The following ADAM7 variants were observed in gnomAD, a reference collection of about 807,000 sequenced individuals.
The protein encoded by ADAM7 is disintegrin and metalloproteinase domain-containing protein 7.
ADAM7 carries 97 observed loss-of-function variants against 102.9 expected under a neutral mutation model. The observed-to-expected ratio is 0.94, with a 90% CI of 0.80 to 1.12. ADAM7 has a LOEUF of 1.12. Among genes scored for constraint, ADAM7 ranks in the 50% most tolerant of loss-of-function variants. The pLI, the probability that ADAM7 is intolerant of heterozygous loss-of-function variation, is 0.00. For synonymous variants in ADAM7, 334 were observed against 304.4 expected (o/e 1.10, Z -1.01); for missense variants, 991 against 908.7 (o/e 1.09, Z -1.16).
intron 10 of ADAM7, among the ~76,000 whole-genome samples, chr8:24,485,821 T>A (rs941510929): frequency 2.0e-5 from 3 of 152,194 alleles, no homozygotes; most frequent in African/African-American, 7.2e-5. Flanking sequence ...CCCTTTTTTT[T>A]ATGTGATCCT....
In ADAM7 at chr8:24,460,302, G is replaced by C. The variant is rs542417830; in HGVS notation, c.234-3580G>C. On this transcript the variant is annotated intron_variant, in intron 3 of 21. Transcript: ENST00000175238. ...TTTTTAATGCCTTCTAATAATCTCT[G>C]ATTTTTAATAGGAATGTTAACATTA... Among the ~76,000 whole-genome samples, 5 of 151,912 alleles carry C rather than the reference G, an allele frequency of 3.3e-5. 1 individual carries two copies. The highest frequency in any genetic ancestry group is 9.6e-5 in the African/African-American group (4 of 41,462).
At chr8:24,443,468 T>C (rs1194269545) in intron 2 of ADAM7, among the ~76,000 whole-genome samples, 1 of 152,246 alleles carries the variant, frequency 6.6e-6, no homozygotes, top group East Asian at 1.9e-4. Context: ...GTAACTATTT[T>C]GTTCAACGAT....
At chr8:24,447,509 C>A (rs890306207) in intron 3 of ADAM7, among the ~76,000 whole-genome samples, 10 of 152,094 alleles carry the variant, frequency 6.6e-5, no homozygotes, top group Admixed American at 6.6e-4. Context: ...GTTTTTTGAG[C>A]TCCATATAGT....
intron 13 of ADAM7, 127 bp from the exon 14 acceptor site, chr8:24,491,776 T>C: frequency 1.6e-6 from 1 of 618,604 alleles, no homozygotes; most frequent in Middle Eastern, 2.8e-4. Context: ...CTTGATGGAA[T>C]GGAGAAGGAA....
rs1318420570 is a variant in ADAM7 at position 24,441,159 on chromosome 8, AG to A, written c.52+1del. 1 of 1,612,130 alleles carries A rather than the reference AG, an allele frequency of 6.2e-7. No homozygotes were observed. The highest frequency in any genetic ancestry group is 1.3e-5 in the African/African-American group (1 of 74,886). On this transcript the variant is annotated frameshift_variant and splice_region_variant, in exon 1 of 22. Coordinates refer to ENST00000175238, the MANE Select transcript of ADAM7 (RefSeq NM_003817.4). LOFTEE classifies it high-confidence loss of function. ...LMILLIPQVKEKFILGVEGQQ... is the reference protein window; with the variant it reads ...LMILLIPQVKXKFILGVEGQQ... Reference sequence around the variant, plus strand: ...TGATTTTACTCATTCCTCAGGTTAAAGGTATGTCTTGCTCTTTTTATCAGGA... The same window carrying A: ...TGATTTTACTCATTCCTCAGGTTAAAGTATGTCTTGCTCTTTTTATCAGGA...
intron 20 of ADAM7, among the ~76,000 whole-genome samples, chr8:24,504,180 T>C (rs1820868840): frequency 6.6e-6 from 1 of 151,728 alleles, no homozygotes; most frequent in Admixed American, 6.6e-5. Flanking sequence ...CCAGGCTGAG[T>C]AATATGTCAA....
At chr8:24,468,948 C>T in intron 7 of ADAM7, 128 bp downstream of exon 7, 2 of 830,580 alleles carry the variant, frequency 2.4e-6, no homozygotes, top group East Asian at 2.8e-5. Context: ...TTTTTAGCTT[C>T]CCAAAACAGA....
At position 24,508,753 on chromosome 8, in the gene ADAM7, T is replaced by G; in HGVS notation, c.*207T>G. 1 of 1,363,890 alleles carries G rather than the reference T, an allele frequency of 7.3e-7. No individual in the cohort carries two copies. The highest frequency in any genetic ancestry group is 2.0e-5 in the South Asian group (1 of 50,622). The allele number at this position is 1,363,890 out of a possible 1,614,324, so 84.5% of individuals were successfully genotyped here. On this transcript the variant is annotated 3_prime_UTR_variant, in exon 22 of 22. Coordinates refer to ENST00000175238, the MANE Select transcript of ADAM7 (RefSeq NM_003817.4). Reference sequence around the variant, plus strand: ...ATTCACACCCTCTATCATAAACATATGCTGCAGAAAAAAAATGTCTTGTGG... The same window carrying G: ...ATTCACACCCTCTATCATAAACATAGGCTGCAGAAAAAAAATGTCTTGTGG...
intron 21 of ADAM7, among the ~76,000 whole-genome samples, chr8:24,507,863 G>T (rs1402239480): frequency 2.0e-5 from 3 of 152,006 alleles, no homozygotes; most frequent in Admixed American, 1.3e-4. Context: ...CATACCCACA[G>T]GTTTTCTTCA....
At position 24,500,196 on chromosome 8, in the gene ADAM7, C is replaced by G; in HGVS notation, c.1942C>G (p.Gln648Glu). ...CTTCCAGGTGGATGGCCACGGACTC[C>G]AGTGCCACTGTGAGGAAGGACAGGC... ...NENPVDGHGLQCHCEEGQAPV... is the reference protein window; with the variant it reads ...NENPVDGHGLECHCEEGQAPV... The change falls in exon 18 of 22, where the codon CAG becomes GAG. Residue 648 changes from glutamine to glutamate, a missense_variant. Transcript: ENST00000175238. 7 of 1,611,448 alleles carry G rather than the reference C, an allele frequency of 4.3e-6. No homozygotes were observed. The highest frequency in any genetic ancestry group is 5.9e-6 in the Non-Finnish European group (7 of 1,178,234).
In ADAM7 at chr8:24,500,744, T is replaced by C. The variant is rs778297904; in HGVS notation, c.2003-46T>C. The C allele has an allele frequency of 2.0e-6, 3 of 1,508,984 alleles. No homozygotes were observed. The African/African-American group carries it at 4.1e-5, about 21-fold the overall frequency. The allele number at this position is 1,508,984 out of a possible 1,614,324, so 93.5% of individuals were successfully genotyped here. A position where few individuals can be genotyped will look rare whatever the true frequency, so the allele number is the denominator to read the frequency against. On this transcript the variant is annotated intron_variant, in intron 18 of 21. Transcript: ENST00000175238. ...CATTAAATGTTAATATTCCACTGTTTTACAACTGATACCCTCGATGAAGCC... is the reference window on the plus strand; with the variant it reads ...CATTAAATGTTAATATTCCACTGTTCTACAACTGATACCCTCGATGAAGCC...
chr8:24,478,523 A>G (rs1484510728), intron 8 of ADAM7, among the ~76,000 whole-genome samples: 1 of 152,134 alleles, frequency 6.6e-6, no homozygotes, highest in Non-Finnish European at 1.5e-5. Flanking sequence ...ACCTAAATAT[A>G]CTAGTGAAAT....
At chr8:24,497,244 A>T (rs1820591542) in intron 16 of ADAM7, among the ~76,000 whole-genome samples, 1 of 152,222 alleles carries the variant, frequency 6.6e-6, no homozygotes, top group African/African-American at 2.4e-5. Context: ...TGTAAGTTCA[A>T]TTAAACCTCT....
Position 24,476,610 on chromosome 8 carries a change from A to G in ADAM7, c.705+106A>G. 5.5e-6 allele frequency: 4 copies of G among 728,750 alleles called. No individual in the cohort carries two copies. The South Asian group carries it at 9.5e-5, about 17-fold the overall frequency. The allele number at this position is 728,750 out of a possible 1,614,324, so 45.1% of individuals were successfully genotyped here. ...TGTAGTTACCTGATATTAAGGGAGTACAAAGCACAAAGACTAATAAGCAAA... is the reference window on the plus strand; with the variant it reads ...TGTAGTTACCTGATATTAAGGGAGTGCAAAGCACAAAGACTAATAAGCAAA... On this transcript the variant is annotated intron_variant, in intron 8 of 21. Transcript: ENST00000175238.
intron 10 of ADAM7, among the ~76,000 whole-genome samples, chr8:24,486,699 G>A (rs562835740): frequency 7.9e-4 from 120 of 152,112 alleles, no homozygotes; most frequent in Middle Eastern, 3.4e-3. Context: ...GTCCTGACCC[G>A]GTAGAAGGGG....
intron 3 of ADAM7, among the ~76,000 whole-genome samples, chr8:24,450,851 T>C (rs1432731075): frequency 5.3e-5 from 8 of 152,328 alleles, no homozygotes. Flanking sequence ...TGAGAGTTTT[T>C]AGCATGAAGG....
chr8:24,508,077 T>C (rs1380954276), intron 21 of ADAM7, among the ~76,000 whole-genome samples: 1 of 152,134 alleles, frequency 6.6e-6, no homozygotes, highest in Non-Finnish European at 1.5e-5. Context: ...CTTCAGTACA[T>C]TTTGAGTTTG....
chr8:24,490,510 C>T (rs1820305080), intron 12 of ADAM7: 3 of 285,744 alleles, frequency 1.0e-5, no homozygotes, highest in South Asian at 6.6e-5. Flanking sequence ...TATGACCCTT[C>T]AAGGAAATGG....
In ADAM7 at chr8:24,492,519, G is replaced by C. The variant is rs950419878; in HGVS notation, c.1577G>C (p.Cys526Ser). The change falls in exon 15 of 22, where the codon TGC becomes TCC. Residue 526 changes from cysteine (C) to serine (S), a missense_variant. By Grantham distance (112) the Cys-to-Ser change is moderately radical. Transcript: ENST00000175238. ...GAGGCAATAGAGAGTCATGATATCT[G>C]CTACAAGATGAATACAAAAGGAAAT... ...DDEAIESHDI[C>S]YKMNTKGNKF... 2 of 1,610,982 alleles carry C rather than the reference G, an allele frequency of 1.2e-6. No homozygotes were observed. Among genetic ancestry groups the C allele is most frequent in the Non-Finnish European group, 1.7e-6 (2 of 1,178,386 alleles).
Sources: gnomAD v4.1 joint callset for allele counts (sites outside exome capture counted in the v4.1 genomes callset) on GRCh38, gnomAD v4.1.1 for gene constraint, MANE v1.5 for transcripts, NCBI Gene and HGNC (gene_info 2026-07-23, HGNC 2026-07-21) for gene names.